IL6ST: variants seen among roughly 807,000 people sequenced by gnomAD.
The protein encoded by IL6ST is interleukin-6 receptor subunit beta.
Under a neutral mutation model 91.3 loss-of-function variants are expected in IL6ST, and 24 were observed. The ratio of observed to expected loss-of-function variants is 0.26; its 90% CI spans 0.19 to 0.37. The LOEUF (loss-of-function observed/expected upper bound fraction) is 0.37. Among genes scored for constraint, IL6ST ranks in the 10% least tolerant of loss-of-function variants. The pLI is 1.00. For missense variants in IL6ST, 914 were observed against 1,078.5 expected (o/e 0.85, Z 2.14); for synonymous variants, 351 against 373.6 (o/e 0.94, Z 0.70).
intron 10 of IL6ST, among the ~76,000 whole-genome samples, 196 bp downstream of exon 10, chr5:55,955,829 C>T (rs1448234867): frequency 6.6e-6 from 1 of 152,102 alleles, no homozygotes; most frequent in Non-Finnish European, 1.5e-5. Flanking sequence ...CCAGCCTGAG[C>T]AACCTGGCGA....
chr5:55,947,276 G>A (rs997427317), intron 15 of IL6ST, among the ~76,000 whole-genome samples: 1 of 152,102 alleles, frequency 6.6e-6, no homozygotes, highest in Non-Finnish European at 1.5e-5. Flanking sequence ...ACTGCCTGGG[G>A]TTGGGCTGAG....
At chr5:55,955,924 G>A in intron 10 of IL6ST, 101 bp downstream of exon 10, 1 of 664,972 alleles carries the variant, frequency 1.5e-6, no homozygotes, top group Non-Finnish European at 2.7e-6. Flanking sequence ...CTGATACTGA[G>A]GAGACAGTCT....
At position 55,960,615 on chromosome 5, in the gene IL6ST, A is replaced by G. The variant is rs1436389833; in HGVS notation, c.814-54T>C. On this transcript the variant is annotated intron_variant, in intron 7 of 16. Transcript: ENST00000381298. Reference sequence around the variant, plus strand: ...AACCTCAATTAGTAAGGTCTTCTAAATTGTGTTAAAATTCAGAAACTTTTT... The same window carrying G: ...AACCTCAATTAGTAAGGTCTTCTAAGTTGTGTTAAAATTCAGAAACTTTTT... 2.6e-6 allele frequency: 4 copies of G among 1,538,848 alleles called. No homozygotes were observed. The East Asian group carries it at 6.8e-5, about 26-fold the overall frequency.
chr5:55,948,143 C>T (rs1227626430), intron 14 of IL6ST, among the ~76,000 whole-genome samples: 1 of 152,118 alleles, frequency 6.6e-6, no homozygotes, highest in African/African-American at 2.4e-5. Context: ...GGGCTAAGAA[C>T]TTTAGGAGCT....
Position 55,954,806 on chromosome 5 carries a change from A to T in IL6ST, c.1450+4T>A, listed in dbSNP as rs751138582. The T allele has an allele frequency of 6.3e-7, 1 of 1,596,320 alleles. No individual in the cohort carries two copies. Among genetic ancestry groups the T allele is most frequent in the East Asian group, 2.2e-5 (1 of 44,558 alleles). On this transcript the variant is annotated splice_donor_region_variant and intron_variant, in intron 11 of 16. Transcript: ENST00000381298. ...TCAATTTAGATGTTTCTAGCCAGGT[A>T]TACCTCTTAAATAGGTGCGATGCAC...
At chr5:55,974,327 T>C (rs527884034) in intron 3 of IL6ST, among the ~76,000 whole-genome samples, 1 of 152,296 alleles carries the variant, frequency 6.6e-6, no homozygotes, top group East Asian at 1.9e-4. Context: ...TATTAACTTA[T>C]TTTTGGTTGT....
At chr5:55,970,221 C>T (rs1330054136) in intron 3 of IL6ST, among the ~76,000 whole-genome samples, 3 of 152,180 alleles carry the variant, frequency 2.0e-5, no homozygotes, top group Non-Finnish European at 4.4e-5. Flanking sequence ...CTCCAGAAAA[C>T]AGGCAGTGGT....
intron 4 of IL6ST, 51 bp from the exon 5 acceptor site, chr5:55,968,447 T>C: frequency 6.4e-7 from 1 of 1,552,104 alleles, no homozygotes; most frequent in Non-Finnish European, 8.8e-7. Flanking sequence ...CCACAAATAT[T>C]ATGCAATTTA....
intron 3 of IL6ST, among the ~76,000 whole-genome samples, chr5:55,973,695 T>A (rs1753096591): frequency 6.6e-6 from 1 of 152,242 alleles, no homozygotes; most frequent in African/African-American, 2.4e-5. Flanking sequence ...ATCTATAGTC[T>A]TGTCCTATAC....
chr5:55,993,858 A>G (rs1015327288), intron 1 of IL6ST, among the ~76,000 whole-genome samples: 1 of 152,214 alleles, frequency 6.6e-6, no homozygotes, highest in Non-Finnish European at 1.5e-5. Context: ...GTAATTTCAA[A>G]TTAAGAGTTG....
intron 3 of IL6ST, among the ~76,000 whole-genome samples, chr5:55,974,786 T>C (rs1010334786): frequency 1.6e-4 from 25 of 151,886 alleles, no homozygotes; most frequent in African/African-American, 5.8e-4. Context: ...ATGCCTGGCC[T>C]CTATATTAAC....
rs554311717 is a variant in IL6ST at position 55,963,298 on chromosome 5, A to G, written c.813+54T>C. 1.8e-5 allele frequency: 22 copies of G among 1,254,948 alleles called. No homozygotes were observed. In the East Asian group the frequency reaches 5.5e-4, roughly 31 times the overall value. 77.7% of individuals were successfully genotyped at this position (1,254,948 alleles called of 1,614,324 possible). A position where few individuals can be genotyped will look rare whatever the true frequency, so the allele number is the denominator to read the frequency against. On this transcript the variant is annotated intron_variant, in intron 7 of 16. Transcript: ENST00000381298. ...TTTAGAAAATGACTGAAACTTTTTA[A>G]GATTAGAGGGTTGAAAGAAGGACTA...
intron 11 of IL6ST, among the ~76,000 whole-genome samples, chr5:55,953,382 AC>A (rs781542302): frequency 1.6e-4 from 25 of 152,162 alleles, no homozygotes; most frequent in Non-Finnish European, 3.4e-4. Context: ...TGTCTCCACA[AC>A]TTATGCTAGC....
chr5:55,942,627 C>T, intron 16 of IL6ST, 43 bp downstream of exon 16: 1 of 1,014,932 alleles, frequency 9.9e-7, no homozygotes, highest in Non-Finnish European at 1.5e-6. Context: ...TACCTACTAA[C>T]ATGTCTGTAT....
At chr5:55,956,348 T>G in intron 9 of IL6ST, 113 bp from the exon 10 acceptor site, 1 of 641,750 alleles carries the variant, frequency 1.6e-6, no homozygotes, top group Non-Finnish European at 2.7e-6. Flanking sequence ...AATATTTAAC[T>G]GGAAAGGATT....
At chr5:55,987,424 G>A (rs1361148186) in intron 1 of IL6ST, among the ~76,000 whole-genome samples, 1 of 152,164 alleles carries the variant, frequency 6.6e-6, no homozygotes, top group Non-Finnish European at 1.5e-5. Context: ...AAATGACAGG[G>A]TCATTCCAAC....
rs1351523642 is a variant in IL6ST at position 55,935,846 on chromosome 5, C to T, written c.*5236G>A. On this transcript the variant is annotated 3_prime_UTR_variant, in exon 17 of 17. Transcript: ENST00000381298. The stretch of plus-strand genomic sequence containing the variant: ...TTGGGCTAGAGAAAGAGTATGCTCT[C>T]AAGGAGTTACATAATCTTTTCCAAA... 4.6e-6 allele frequency: 1 copy of T among 217,778 alleles called. No homozygotes were observed. Among genetic ancestry groups the T allele is most frequent in the African/African-American group, 2.2e-5 (1 of 44,512 alleles). The allele number at this position is 217,778 out of a possible 1,614,324, so 13.5% of individuals were successfully genotyped here.
intron 11 of IL6ST, 107 bp from the exon 12 acceptor site, chr5:55,952,458 T>G: frequency 1.6e-6 from 1 of 609,828 alleles, no homozygotes; most frequent in Non-Finnish European, 2.8e-6. Context: ...AATTTTCTTT[T>G]AAAACTGCAG....
rs1466944586 is a variant in IL6ST at position 55,936,092 on chromosome 5, G to T, written c.*4990C>A. The T allele has an allele frequency of 8.8e-6, 2 of 228,248 alleles. No homozygotes were observed. Among genetic ancestry groups the T allele is most frequent in the Non-Finnish European group, 1.7e-5 (2 of 115,046 alleles). 14.1% of individuals were successfully genotyped at this position (228,248 alleles called of 1,614,324 possible). A position where few individuals can be genotyped will look rare whatever the true frequency, so the allele number is the denominator to read the frequency against. Reference sequence around the variant, plus strand: ...TTTTTTGACTCACTACATTTTTTTAGACAAAATCACAATGTGAAGGCACAT... The same window carrying T: ...TTTTTTGACTCACTACATTTTTTTATACAAAATCACAATGTGAAGGCACAT... On this transcript the variant is annotated 3_prime_UTR_variant, in exon 17 of 17. Transcript: ENST00000381298.
Sources: gnomAD v4.1 joint callset for allele counts (sites outside exome capture counted in the v4.1 genomes callset) on GRCh38, gnomAD v4.1.1 for gene constraint, MANE v1.5 for transcripts, NCBI Gene and HGNC (gene_info 2026-07-23, HGNC 2026-07-21) for gene names.